The following PHACTR2 variants were observed in gnomAD, a reference collection of about 807,000 sequenced individuals.
The protein encoded by PHACTR2 is phosphatase and actin regulator 2, also known as chromosome 6 open reading frame 56.
A neutral mutation model predicts 76.0 loss-of-function variants in PHACTR2; 30 were observed. The ratio of observed to expected loss-of-function variants is 0.39; its 90% CI spans 0.30 to 0.54. PHACTR2 has a LOEUF of 0.54. Among genes scored for constraint, PHACTR2 ranks in the 20% least tolerant of loss-of-function variants. The pLI, the probability that PHACTR2 is intolerant of heterozygous loss-of-function variation, is 0.61. For synonymous variants in PHACTR2, 292 were observed against 292.5 expected (o/e 1.00, Z 0.02); for missense variants, 696 against 781.1 (o/e 0.89, Z 1.30).
intron 2 of PHACTR2, among the ~76,000 whole-genome samples, chr6:143,713,384 T>C (rs1254383387): frequency 6.6e-6 from 1 of 152,222 alleles, no homozygotes; most frequent in Non-Finnish European, 1.5e-5. Flanking sequence ...TTGTTCAAGC[T>C]GGGCAATGGG....
rs1776071913 is a variant in PHACTR2, at chr6:143,617,201, A to G, written c.13+8879A>G. Among the ~76,000 whole-genome samples the G allele has an allele frequency of 2.0e-5, 3 of 152,234 alleles. No individual in the cohort carries two copies. The South Asian group carries it at 6.2e-4, about 32-fold the overall frequency. On this transcript the variant is annotated intron_variant, in intron 1 of 11. Transcript: ENST00000305766. This position sits in a 1 kb window ranked among gnomAD's most constrained non-coding sequence, Gnocchi z 4.8. ...CCAGCCCTGTGTCAAGGCCCAGCACATATCCCATCTTACAACGTCTTCCCA... is the reference window on the plus strand; with the variant it reads ...CCAGCCCTGTGTCAAGGCCCAGCACGTATCCCATCTTACAACGTCTTCCCA...
At chr6:143,612,350 C>A (rs1315960133) in intron 1 of PHACTR2, among the ~76,000 whole-genome samples, 1 of 152,156 alleles carries the variant, frequency 6.6e-6, no homozygotes, top group Non-Finnish European at 1.5e-5. Context: ...ACCTTAGCAG[C>A]CCAGGTTGTC....
Position 143,761,012 on chromosome 6 carries a change from G to A in PHACTR2, c.694+372G>A, listed in dbSNP as rs1779429854. 6.6e-6 allele frequency among the ~76,000 whole-genome samples: 1 copy of A among 152,038 alleles called. No individual in the cohort carries two copies. The highest frequency in any genetic ancestry group is 2.1e-4 in the South Asian group (1 of 4,814). ...GAGCCTATGGGTGGCTTTTTGGCTTGGATTTTCTTTCAAAATATCTAAGGT... is the reference window on the plus strand; with the variant it reads ...GAGCCTATGGGTGGCTTTTTGGCTTAGATTTTCTTTCAAAATATCTAAGGT... On this transcript the variant is annotated intron_variant, in intron 5 of 12. Coordinates refer to ENST00000440869, the MANE Select transcript of PHACTR2 (RefSeq NM_001100164.2). This position sits in a 1 kb window ranked among gnomAD's most constrained non-coding sequence, Gnocchi z 5.2.
chr6:143,713,722 C>A (rs942166493), intron 2 of PHACTR2, among the ~76,000 whole-genome samples: 8 of 152,120 alleles, frequency 5.3e-5, no homozygotes, highest in Non-Finnish European at 8.8e-5. Flanking sequence ...CCAGAGACAC[C>A]CTTACACCCT....
chr6:143,639,541 A>G lies in PHACTR2; in HGVS notation c.13+31219A>G, dbSNP rs1776528832. 6.6e-6 allele frequency among the ~76,000 whole-genome samples: 1 copy of G among 152,194 alleles called. No individual in the cohort carries two copies. The highest frequency in any genetic ancestry group is 6.5e-5 in the Admixed American group (1 of 15,274). On this transcript the variant is annotated intron_variant, in intron 1 of 11. Coordinates refer to the PHACTR2 transcript ENST00000305766. The surrounding 1 kb of genome is among the most constrained non-coding windows in gnomAD (Gnocchi z 5.0). ...TAGATGACATTTGGCCCATTCAAAA[A>G]GAATTAATTGTGCTGGGGAAAAGTC...
intron 1 of PHACTR2, among the ~76,000 whole-genome samples, chr6:143,573,413 A>T (rs1033666829): frequency 2.0e-5 from 3 of 152,148 alleles, no homozygotes; most frequent in African/African-American, 7.2e-5. Context: ...AGGTCCCTGG[A>T]TGCTACATTA....
rs767353609 is a variant in PHACTR2, at chr6:143,760,435, T to G, written c.489T>G (p.Ala163=). The part of the protein sequence containing the change: ...NTENHSETPA[A]PALPPSAPPK... ...AAAACCACTCTGAAACACCGGCAGC[T>G]CCTGCTCTACCTCCTTCTGCTCCTC... Residue 163 remains alanine (A), a synonymous_variant, in exon 5 of 13, where the codon GCT becomes GCG. Transcript: ENST00000440869. The surrounding 1 kb of genome is among the most constrained non-coding windows in gnomAD (Gnocchi z 6.4). 6 of 1,613,384 alleles carry G rather than the reference T, an allele frequency of 3.7e-6. No individual in the cohort carries two copies. The highest frequency in any genetic ancestry group is 4.2e-6 in the Non-Finnish European group (5 of 1,179,530).
chr6:143,782,945 AGACAT>A lies in PHACTR2; in HGVS notation c.1646-273_1646-269del, dbSNP rs1374404311. On this transcript the variant is annotated intron_variant, in intron 9 of 12. Transcript: ENST00000440869. This position sits in a 1 kb window ranked among gnomAD's most constrained non-coding sequence, Gnocchi z 4.6. ...CTGTGGTTTTTTTAAGAATACAACA[AGACAT>A]CAGGAAGCAAAAACGTTTAAAATTA... Among the ~76,000 whole-genome samples the A allele has an allele frequency of 1.3e-5, 2 of 152,114 alleles. No individual in the cohort carries two copies. Among genetic ancestry groups the A allele is most frequent in the Non-Finnish European group, 2.9e-5 (2 of 68,034 alleles).
chr6:143,570,318 C>T lies in PHACTR2; in HGVS notation c.217+33111C>T, dbSNP rs1467330468. On this transcript the variant is annotated intron_variant, in intron 1 of 11. Coordinates refer to the PHACTR2 transcript ENST00000367584. This position sits in a 1 kb window ranked among gnomAD's most constrained non-coding sequence, Gnocchi z 4.6. Reference sequence around the variant, plus strand: ...CCATTTGTTTTTCCATTCAGCCACCCGCTGGCCCTAATCACAAATGTCTTT... The same window carrying T: ...CCATTTGTTTTTCCATTCAGCCACCTGCTGGCCCTAATCACAAATGTCTTT... 6.6e-6 allele frequency among the ~76,000 whole-genome samples: 1 copy of T among 152,100 alleles called. No homozygotes were observed. Among genetic ancestry groups the T allele is most frequent in the African/African-American group, 2.4e-5 (1 of 41,386 alleles).
chr6:143,618,285 A>G lies in PHACTR2; in HGVS notation c.13+9963A>G, dbSNP rs10457049. Among the ~76,000 whole-genome samples, 120 of 101,836 alleles carry G rather than the reference A, an allele frequency of 1.2e-3. No individual in the cohort carries two copies. Among genetic ancestry groups the G allele is most frequent in the Middle Eastern group, 6.1e-3 (1 of 164 alleles). The allele number at this position is 101,836 out of a possible 152,430, so 66.8% of individuals were successfully genotyped here. ...CACACACACACACACACACACACAC[A>G]CGCACACTCCAGAATGAGTTTCAGA... On this transcript the variant is annotated intron_variant, in intron 1 of 11. Transcript: ENST00000305766. The surrounding 1 kb of genome is among the most constrained non-coding windows in gnomAD (Gnocchi z 5.2).
At chr6:143,686,829 C>T (rs1284403020) in intron 1 of PHACTR2, among the ~76,000 whole-genome samples, 2 of 152,084 alleles carry the variant, frequency 1.3e-5, no homozygotes, top group Non-Finnish European at 2.9e-5. Context: ...CATGGCTTTC[C>T]CCTGCTTTGG....
At chr6:143,567,651 T>TG (rs1775382510) in intron 1 of PHACTR2, among the ~76,000 whole-genome samples, 1 of 152,188 alleles carries the variant, frequency 6.6e-6, no homozygotes, top group South Asian at 2.1e-4. Flanking sequence ...CACCTACCTC[T>TG]GCCTCTCAAA....
intron 1 of PHACTR2, among the ~76,000 whole-genome samples, chr6:143,594,345 C>G (rs1775725197): frequency 6.6e-6 from 1 of 152,166 alleles, no homozygotes; most frequent in African/African-American, 2.4e-5. Flanking sequence ...ATCCCCCCAC[C>G]ACACTATGAT....
At chr6:143,676,350 C>A (rs1445168172), upstream of PHACTR2, among the ~76,000 whole-genome samples, 1 of 152,136 alleles carries the variant, frequency 6.6e-6, no homozygotes, top group Non-Finnish European at 1.5e-5. The surrounding 1 kb of genome is among the most constrained non-coding windows in gnomAD (Gnocchi z 4.8). Context: ...GCTATTGTTT[C>A]TCAAGGAAAA....
upstream of PHACTR2, among the ~76,000 whole-genome samples, chr6:143,673,080 C>T (rs1777184551): frequency 6.6e-6 from 1 of 152,128 alleles, no homozygotes; most frequent in Non-Finnish European, 1.5e-5. Context: ...TAGGCTGCAA[C>T]ACCCACCCTC....
chr6:143,628,938 T>C (rs1776309955), intron 1 of PHACTR2, among the ~76,000 whole-genome samples: 2 of 26,012 alleles, frequency 7.7e-5, no homozygotes, highest in Non-Finnish European at 2.0e-4. Flanking sequence ...TATATATATA[T>C]ATATATATAT....
intron 2 of PHACTR2, among the ~76,000 whole-genome samples, chr6:143,737,738 A>G (rs996701050): frequency 1.3e-5 from 2 of 152,218 alleles, no homozygotes; most frequent in African/African-American, 2.4e-5. Flanking sequence ...TAAAAACTTC[A>G]GTTGAAACTA....
At chr6:143,575,107 C>T (rs1775490202) in intron 1 of PHACTR2, among the ~76,000 whole-genome samples, 1 of 135,708 alleles carries the variant, frequency 7.4e-6, no homozygotes, top group Admixed American at 7.4e-5. Flanking sequence ...CATCAACACT[C>T]CAAAAACATT....
Position 143,743,367 on chromosome 6 carries a change from G to A in PHACTR2, c.215-5618G>A, listed in dbSNP as rs752426962. Among the ~76,000 whole-genome samples the A allele has an allele frequency of 2.0e-4, 30 of 152,324 alleles. No homozygotes were observed. The highest frequency in any genetic ancestry group is 2.9e-4 in the Non-Finnish European group (20 of 68,022). On this transcript the variant is annotated intron_variant, in intron 2 of 12. Coordinates refer to ENST00000440869, the MANE Select transcript of PHACTR2 (RefSeq NM_001100164.2). The surrounding 1 kb of genome is among the most constrained non-coding windows in gnomAD (Gnocchi z 5.0). The stretch of plus-strand genomic sequence containing the variant: ...GGACGGGTTGTAAAGCTTGGCTGCC[G>A]TTCCAAGTCCAGCTGGTTCCACAGA...
Sources: allele counts gnomAD v4.1 joint callset (sites outside exome capture counted in the v4.1 genomes callset), GRCh38; gene constraint gnomAD v4.1.1; non-coding constraint Gnocchi (gnomAD v3.1); transcripts MANE v1.5; gene names NCBI Gene and HGNC (gene_info 2026-07-23, HGNC 2026-07-21).